The following KARS1 variants were observed in gnomAD, a reference collection of about 807,000 sequenced individuals.
KARS1 encodes lysyl-tRNA synthetase 1.
KARS1 carries 50 observed loss-of-function variants against 63.9 expected under a neutral mutation model. The observed-to-expected ratio is 0.78, with a 90% CI of 0.62 to 0.99. The LOEUF (loss-of-function observed/expected upper bound fraction) is 0.99, where lower values mean the gene tolerates loss of function less well. Among genes scored for constraint, KARS1 ranks in the 50% least tolerant of loss-of-function variants. The pLI, the probability that KARS1 is intolerant of heterozygous loss-of-function variation, is 0.00. For synonymous variants in KARS1, 320 were observed against 264.6 expected, an observed-to-expected ratio of 1.21 and a Z score of -2.03; for missense variants, 816 against 754.5, an observed-to-expected ratio of 1.08 and a Z score of -0.95.
chr16:75,641,221 A>G (rs1027560760), intron 2 of KARS1, among the ~76,000 whole-genome samples: 4 of 109,794 alleles, frequency 3.6e-5, no homozygotes, highest in African/African-American at 2.1e-4. Flanking sequence ...GGGGGCATGG[A>G]GAGTGGGTTT....
At chr16:75,638,254 CAT>C (rs1277345005) in intron 3 of KARS1, among the ~76,000 whole-genome samples, 5 of 150,830 alleles carry the variant, frequency 3.3e-5, no homozygotes, top group East Asian at 1.9e-4. Context: ...TTCTGGGACA[CAT>C]GTGCAGAACA....
chr16:75,630,125 T>C (rs540352227), intron 11 of KARS1, among the ~76,000 whole-genome samples: 2 of 152,304 alleles, frequency 1.3e-5, no homozygotes, highest in South Asian at 4.1e-4. Context: ...ATGAGGTCTG[T>C]TCTTTTGGAA....
intron 3 of KARS1, among the ~76,000 whole-genome samples, chr16:75,636,785 C>T (rs1192568380): frequency 6.6e-6 from 1 of 151,978 alleles, no homozygotes; most frequent in South Asian, 2.1e-4. Flanking sequence ...AGGTGCACAC[C>T]ACCACACTCG....
intron 7 of KARS1, among the ~76,000 whole-genome samples, 161 bp from the exon 8 acceptor site, chr16:75,632,016 T>G (rs1194633207): frequency 6.6e-6 from 1 of 152,172 alleles, no homozygotes; most frequent in Non-Finnish European, 1.5e-5. Context: ...GCCTCCCTAG[T>G]AGCTGGGATT....
At chr16:75,628,023 T>C (rs1253269425) in intron 13 of KARS1, 30 bp from the exon 14 acceptor site, 1 of 1,294,674 alleles carries the variant, frequency 7.7e-7, no homozygotes, top group East Asian at 2.3e-5. Flanking sequence ...ACCTTGAAGC[T>C]GAGAAGCACT....
chr16:75,631,960 T>C (rs995101187), intron 7 of KARS1, 105 bp from the exon 8 acceptor site: 13 of 1,351,706 alleles, frequency 9.6e-6, no homozygotes, highest in Non-Finnish European at 1.3e-5. Context: ...AGATCTCAGC[T>C]CACCGCAACC....
intron 3 of KARS1, among the ~76,000 whole-genome samples, chr16:75,638,064 T>G (rs2082182604): frequency 6.6e-6 from 1 of 152,094 alleles, no homozygotes; most frequent in Admixed American, 6.5e-5. Flanking sequence ...GAAAACTGAT[T>G]TCATGTAAAT....
At chr16:75,634,684 T>A (rs1324845176) in intron 6 of KARS1, among the ~76,000 whole-genome samples, 2 of 152,206 alleles carry the variant, frequency 1.3e-5, no homozygotes, top group African/African-American at 4.8e-5. Flanking sequence ...CACACCATTC[T>A]CCTGACTCAG....
intron 1 of KARS1, among the ~76,000 whole-genome samples, chr16:75,643,536 C>A (rs764043501): frequency 6.6e-6 from 1 of 152,088 alleles, no homozygotes; most frequent in Non-Finnish European, 1.5e-5. Flanking sequence ...CGCCACCATG[C>A]CCGGCTAATT....
At chr16:75,631,344 C>T in intron 9 of KARS1, 72 bp downstream of exon 9, 3 of 1,587,592 alleles carry the variant, frequency 1.9e-6, no homozygotes. Context: ...AATTCTAGCT[C>T]TGACCCAATC....
chr16:75,632,566 C>T (rs1038846034), intron 7 of KARS1, among the ~76,000 whole-genome samples: 3 of 152,138 alleles, frequency 2.0e-5, no homozygotes, highest in African/African-American at 7.2e-5. Flanking sequence ...GCCAGTCACA[C>T]GTAGCTTTTA....
At chr16:75,628,379 G>C (rs1597161444) in intron 13 of KARS1, among the ~76,000 whole-genome samples, 190 bp downstream of exon 13, 1 of 151,694 alleles carries the variant, frequency 6.6e-6, no homozygotes, top group Non-Finnish European at 1.5e-5. Flanking sequence ...TCTGCCCCTG[G>C]TAGGAAAAAA....
intron 3 of KARS1, among the ~76,000 whole-genome samples, chr16:75,637,054 T>C (rs2082170414): frequency 6.6e-6 from 1 of 151,924 alleles, no homozygotes. Context: ...TTCAAACCAG[T>C]TAAAGACATG....
chr16:75,641,291 A>G (rs1374997734), intron 2 of KARS1, among the ~76,000 whole-genome samples: 1 of 152,298 alleles, frequency 6.6e-6, no homozygotes, highest in African/African-American at 2.4e-5. Context: ...CAATCTTTAG[A>G]GAGACACTTT....
intron 7 of KARS1, among the ~76,000 whole-genome samples, chr16:75,633,722 G>C (rs1567500149): frequency 6.6e-6 from 1 of 152,078 alleles, no homozygotes; most frequent in Admixed American, 6.5e-5. Flanking sequence ...TCACCATGTT[G>C]GCCAGGTTGG....
intron 1 of KARS1, among the ~76,000 whole-genome samples, 191 bp from the exon 2 acceptor site, chr16:75,641,914 G>C (rs1218092223): frequency 2.6e-5 from 4 of 152,042 alleles, no homozygotes; most frequent in African/African-American, 9.7e-5. Context: ...AAGACACAAA[G>C]GGAAAAATAA....
At position 75,634,277 on chromosome 16, in the gene KARS1, T is replaced by G. The variant is rs765194793; in HGVS notation, c.811A>C (p.Met271Leu). 1.2e-6 allele frequency: 2 copies of G among 1,614,072 alleles called. No homozygotes were observed. Among genetic ancestry groups the G allele is most frequent in the South Asian group, 2.2e-5 (2 of 91,084 alleles). ...ACGGCTCCCCCTGGGATGATGTTCATCATGGGAGTTTCAATCTAAAAAAGG... is the reference window on the plus strand; with the variant it reads ...ACGGCTCCCCCTGGGATGATGTTCAGCATGGGAGTTTCAATCTAAAAAAGG... ...LGFLEIETPM[M>L]NIIPGGAVAK... The change falls in exon 7 of 14, where the codon ATG becomes CTG. Residue 271 changes from methionine (M) to leucine (L), a missense_variant. Physicochemically the swap from Met to Leu is conservative, Grantham distance 15 (BLOSUM62 2). Transcript: ENST00000302445.
chr16:75,643,196 C>T (rs1341851540), intron 1 of KARS1, among the ~76,000 whole-genome samples: 6 of 152,030 alleles, frequency 3.9e-5, no homozygotes. Flanking sequence ...CTTTACTATT[C>T]AAAGACAATT....
intron 12 of KARS1, chr16:75,629,028 C>T: frequency 2.1e-6 from 1 of 475,600 alleles, no homozygotes; most frequent in Middle Eastern, 6.0e-4. Flanking sequence ...GAGTCTTTCT[C>T]CCATTTCCTG....
Sources: allele counts gnomAD v4.1 joint callset (sites outside exome capture counted in the v4.1 genomes callset), GRCh38; gene constraint gnomAD v4.1.1; transcripts MANE v1.5; gene names NCBI Gene and HGNC (gene_info 2026-07-23, HGNC 2026-07-21).